The following SEMA3A variants were observed in gnomAD, a reference collection of about 807,000 sequenced individuals.
SEMA3A encodes semaphorin-3A.
A neutral mutation model predicts 97.9 loss-of-function variants in SEMA3A; 29 were observed. The observed-to-expected ratio is 0.30, with a 90% CI of 0.22 to 0.40. SEMA3A has a LOEUF of 0.40. Among genes scored for constraint, SEMA3A ranks in the 10% least tolerant of loss-of-function variants. The probability of loss-of-function intolerance (pLI) is 1.00; values close to 1 mark genes in which losing one functional copy is unlikely to be tolerated. For synonymous variants in SEMA3A, 321 were observed against 323.7 expected, an observed-to-expected ratio of 0.99 and a Z score of 0.09; for missense variants, 763 against 951.3, an observed-to-expected ratio of 0.80 and a Z score of 2.60.
chr7:84,332,033 C>T (rs1441537311), intron 2 of SEMA3A, among the ~76,000 whole-genome samples: 1 of 152,110 alleles, frequency 6.6e-6, no homozygotes, highest in Admixed American at 6.6e-5. Context: ...TCAGCTTATT[C>T]ACAAAATTCT....
chr7:84,114,787 A>G (rs1795377173), intron 3 of SEMA3A, among the ~76,000 whole-genome samples: 1 of 151,946 alleles, frequency 6.6e-6, no homozygotes, highest in Non-Finnish European at 1.5e-5. Context: ...TTTTCTTTTA[A>G]CATTGTGCTA....
chr7:84,403,728 C>T (rs371957637), intron 1 of SEMA3A, among the ~76,000 whole-genome samples: 39 of 152,128 alleles, frequency 2.6e-4, no homozygotes, highest in East Asian at 1.2e-3. Context: ...GCAACATTTG[C>T]GGTTCACCAA....
intron 3 of SEMA3A, among the ~76,000 whole-genome samples, chr7:84,249,390 T>TCTATCTATCTAC (rs1257595692): frequency 6.6e-6 from 1 of 151,624 alleles, no homozygotes; most frequent in Non-Finnish European, 1.5e-5. Flanking sequence ...TATCTATCTA[T>TCTATCTATCTAC]CTATCTATCT....
intron 1 of SEMA3A, among the ~76,000 whole-genome samples, chr7:84,405,223 A>T (rs1357644420): frequency 1.3e-5 from 2 of 152,174 alleles, no homozygotes; most frequent in Admixed American, 1.3e-4. Flanking sequence ...ATGGAAAACA[A>T]AAAAAGGCAG....
At chr7:84,360,380 C>A (rs113127307) in intron 2 of SEMA3A, among the ~76,000 whole-genome samples, 2 of 152,012 alleles carry the variant, frequency 1.3e-5, no homozygotes, top group African/African-American at 2.4e-5. Context: ...ATCTTTATTT[C>A]GGCCTTCATT....
chr7:84,459,974 C>T (rs1805783478), intron 1 of SEMA3A, among the ~76,000 whole-genome samples: 1 of 152,096 alleles, frequency 6.6e-6, no homozygotes, highest in South Asian at 2.1e-4. Flanking sequence ...CTGCAGTGAG[C>T]TGAGATAGCA....
chr7:83,990,234 G>C (rs1218920374), intron 12 of SEMA3A, among the ~76,000 whole-genome samples: 1 of 152,088 alleles, frequency 6.6e-6, no homozygotes, highest in Non-Finnish European at 1.5e-5. Context: ...TGTCAGATAA[G>C]TAGGTTGCAA....
chr7:84,176,336 A>G (rs180901958), intron 1 of SEMA3A, among the ~76,000 whole-genome samples: 2 of 152,296 alleles, frequency 1.3e-5, no homozygotes, highest in Admixed American at 1.3e-4. Context: ...ACTGGAATGA[A>G]GATCAGAGGG....
intron 4 of SEMA3A, among the ~76,000 whole-genome samples, chr7:84,068,794 G>C (rs1793636727): frequency 6.6e-6 from 1 of 152,026 alleles, no homozygotes; most frequent in Non-Finnish European, 1.5e-5. Flanking sequence ...TAAAGGATTA[G>C]AACTCATAGG....
intron 1 of SEMA3A, among the ~76,000 whole-genome samples, chr7:84,374,658 G>A (rs866865138): frequency 2.4e-4 from 36 of 152,234 alleles, no homozygotes; most frequent in African/African-American, 8.7e-4. Flanking sequence ...AACCATTTAA[G>A]GTATTTCTAA....
At chr7:84,303,619 A>G (rs987611150) in intron 3 of SEMA3A, among the ~76,000 whole-genome samples, 4 of 152,050 alleles carry the variant, frequency 2.6e-5, no homozygotes, top group Non-Finnish European at 5.9e-5. Context: ...CAATTTAGAA[A>G]TTTTTCAACT....
intron 1 of SEMA3A, among the ~76,000 whole-genome samples, chr7:84,136,019 T>G (rs941874996): frequency 6.6e-6 from 1 of 152,148 alleles, no homozygotes; most frequent in African/African-American, 2.4e-5. Context: ...GCTAATTAAT[T>G]ATTGGCTTCT....
intron 1 of SEMA3A, among the ~76,000 whole-genome samples, chr7:84,441,787 A>AAG (rs1401772197): frequency 2.0e-5 from 3 of 152,220 alleles, no homozygotes; most frequent in Non-Finnish European, 4.4e-5. Flanking sequence ...AATAAGTAAA[A>AAG]TAGATGTGAC....
At chr7:84,268,018 G>A (rs1800048073) in intron 3 of SEMA3A, among the ~76,000 whole-genome samples, 1 of 152,032 alleles carries the variant, frequency 6.6e-6, no homozygotes, top group Non-Finnish European at 1.5e-5. Context: ...GGATAGCTAT[G>A]AAAATGGAAC....
chr7:84,379,825 C>T (rs74700000), intron 1 of SEMA3A, among the ~76,000 whole-genome samples: 2,083 of 152,234 alleles, frequency 0.014, 45 homozygotes, highest in African/African-American at 0.047. Context: ...TTACTGCTTA[C>T]AGTATTTTTC....
chr7:84,489,394 CCCTTAACCACT>C (rs1562963797), intron 1 of SEMA3A, among the ~76,000 whole-genome samples: 1 of 152,038 alleles, frequency 6.6e-6, no homozygotes, highest in African/African-American at 2.4e-5. Context: ...CTAAGCAAGT[CCCTTAACCACT>C]CCGTTTTCAC....
chr7:84,490,867 A>G (rs981286495), intron 1 of SEMA3A, among the ~76,000 whole-genome samples: 2 of 152,124 alleles, frequency 1.3e-5, no homozygotes, highest in African/African-American at 2.4e-5. Context: ...ACTGTACTCT[A>G]TGGCATTCAT....
chr7:84,405,959 A>T (rs1804072397), intron 1 of SEMA3A, among the ~76,000 whole-genome samples: 1 of 152,190 alleles, frequency 6.6e-6, no homozygotes, highest in African/African-American at 2.4e-5. Context: ...AAGATCTAAA[A>T]TTCACACCCT....
chr7:84,101,084 TATG>T (rs1794946909), intron 4 of SEMA3A, among the ~76,000 whole-genome samples: 1 of 152,326 alleles, frequency 6.6e-6, no homozygotes, highest in East Asian at 1.9e-4. Context: ...CATGGAACCC[TATG>T]ATGTCATTTT....
Sources: gnomAD v4.1 joint callset for allele counts (sites outside exome capture counted in the v4.1 genomes callset) on GRCh38, gnomAD v4.1.1 for gene constraint, MANE v1.5 for transcripts, NCBI Gene and HGNC (gene_info 2026-07-23, HGNC 2026-07-21) for gene names.